NXPH2: variants seen among roughly 807,000 people sequenced by gnomAD.
NXPH2 encodes the protein neurexophilin-2.
Under a neutral mutation model 19.8 loss-of-function variants are expected in NXPH2, and 5 were observed. The ratio of observed to expected loss-of-function variants is 0.25; its 90% CI spans 0.13 to 0.53. The LOEUF (loss-of-function observed/expected upper bound fraction) is 0.53. Among genes scored for constraint, NXPH2 ranks in the 20% least tolerant of loss-of-function variants. The probability of loss-of-function intolerance (pLI) is 0.96; values close to 1 mark genes in which losing one functional copy is unlikely to be tolerated. For synonymous variants in NXPH2, 154 were observed against 127.4 expected, an observed-to-expected ratio of 1.21 and a Z score of -1.41; for missense variants, 289 against 322.8, an observed-to-expected ratio of 0.90 and a Z score of 0.80.
chr2:138,713,973 C>CAAAAAAAAAAAA (rs202017615), intron 1 of NXPH2, among the ~76,000 whole-genome samples: 1 of 142,474 alleles, frequency 7.0e-6, no homozygotes. Flanking sequence ...AACAAAAAAG[C>CAAAAAAAAAAAA]AAAAAAAAAA....
At chr2:138,739,886 G>A (rs150177768) in intron 1 of NXPH2, among the ~76,000 whole-genome samples, 50 of 152,298 alleles carry the variant, frequency 3.3e-4, no homozygotes, top group Non-Finnish European at 5.9e-4. Context: ...GAAAAAAATA[G>A]AAGTAGGGAG....
At chr2:138,778,195 A>T (rs1016391104) in intron 1 of NXPH2, among the ~76,000 whole-genome samples, 23 of 152,298 alleles carry the variant, frequency 1.5e-4, no homozygotes, top group African/African-American at 5.1e-4. Context: ...ACAGCCTTTT[A>T]TTGTCCGAAG....
intron 1 of NXPH2, among the ~76,000 whole-genome samples, chr2:138,779,701 G>C (rs1280665556): frequency 6.6e-6 from 1 of 152,122 alleles, no homozygotes; most frequent in African/African-American, 2.4e-5. Flanking sequence ...TCCCAGCAAG[G>C]CGCCACTACC....
Position 138,772,418 on chromosome 2 carries a change from T to A in NXPH2, c.51+7773A>T, listed in dbSNP as rs187486281. Among the ~76,000 whole-genome samples, 475 of 152,314 alleles carry A rather than the reference T, an allele frequency of 3.1e-3. 2 individuals carry two copies. Among genetic ancestry groups the A allele is most frequent in the Non-Finnish European group, 4.9e-3 (331 of 68,026 alleles). On this transcript the variant is annotated intron_variant, in intron 1 of 1. Coordinates refer to ENST00000272641, the MANE Select transcript of NXPH2 (RefSeq NM_007226.3). ...TTCAAGCAATTCTCCTGCCTCAGCC[T>A]CCCAGGTAGCTGGGATTACAGGCAT...
At chr2:138,695,556 A>T (rs1282107871) in intron 1 of NXPH2, among the ~76,000 whole-genome samples, 1 of 152,094 alleles carries the variant, frequency 6.6e-6, no homozygotes, top group South Asian at 2.1e-4. Flanking sequence ...AACTCCACAA[A>T]TTTTTTTGAG....
At chr2:138,709,671 T>C (rs977159936) in intron 1 of NXPH2, among the ~76,000 whole-genome samples, 1 of 152,204 alleles carries the variant, frequency 6.6e-6, no homozygotes, top group African/African-American at 2.4e-5. Flanking sequence ...CTCTGTGCTT[T>C]GCCTATTCAT....
chr2:138,723,155 A>T (rs1431048729), intron 1 of NXPH2, among the ~76,000 whole-genome samples: 1 of 145,814 alleles, frequency 6.9e-6, no homozygotes, highest in Non-Finnish European at 1.5e-5. Flanking sequence ...AAGCAACACA[A>T]ACAGACAAGC....
At chr2:138,762,042 T>G (rs1478853662) in intron 1 of NXPH2, among the ~76,000 whole-genome samples, 2 of 152,160 alleles carry the variant, frequency 1.3e-5, no homozygotes, top group East Asian at 1.9e-4. Context: ...GAATTTCTGT[T>G]GGAAAATATA....
At position 138,745,500 on chromosome 2, in the gene NXPH2, G is replaced by T. The variant is rs866457842; in HGVS notation, c.51+34691C>A. Among the ~76,000 whole-genome samples, 87 of 148,468 alleles carry T rather than the reference G, an allele frequency of 5.9e-4. 1 individual carries two copies. The East Asian group carries it at 0.014, about 24-fold the overall frequency. ...CTTTTCTTCTTTTTTTGGCGGGGGG[G>T]GGGGGGTGTTGTTTGCATGTTTTTC... On this transcript the variant is annotated intron_variant, in intron 1 of 1. Coordinates refer to ENST00000272641, the MANE Select transcript of NXPH2 (RefSeq NM_007226.3).
Position 138,669,654 on chromosome 2 carries a change from C to T in NXPH2, c.*1268G>A, listed in dbSNP as rs892146029. ...GTAAAAGGAGTGACCATTCCATGAGCGTCCTGAGTTCTAGAAGCCTTTTTC... is the reference window on the plus strand; with the variant it reads ...GTAAAAGGAGTGACCATTCCATGAGTGTCCTGAGTTCTAGAAGCCTTTTTC... On this transcript the variant is annotated 3_prime_UTR_variant, in exon 2 of 2. Transcript: ENST00000272641. 6.6e-6 allele frequency among the ~76,000 whole-genome samples: 1 copy of T among 152,114 alleles called. No individual in the cohort carries two copies. Among genetic ancestry groups the T allele is most frequent in the Admixed American group, 6.5e-5 (1 of 15,270 alleles).
At chr2:138,730,388 C>T (rs537006779) in intron 1 of NXPH2, among the ~76,000 whole-genome samples, 3 of 151,930 alleles carry the variant, frequency 2.0e-5, no homozygotes, top group African/African-American at 7.3e-5. Context: ...GGCTCTATCT[C>T]CAAATATAGT....
chr2:138,764,422 G>A (rs1019243988), intron 1 of NXPH2, among the ~76,000 whole-genome samples: 1 of 152,110 alleles, frequency 6.6e-6, no homozygotes, highest in Admixed American at 6.6e-5. Context: ...ATTGTAGCTG[G>A]CCCATGGACC....
At chr2:138,706,099 A>G (rs1681005427) in intron 1 of NXPH2, among the ~76,000 whole-genome samples, 1 of 152,232 alleles carries the variant, frequency 6.6e-6, no homozygotes, top group Admixed American at 6.5e-5. Flanking sequence ...TTAAGGGAAA[A>G]CAATCTATGC....
At chr2:138,729,822 A>T (rs774574997) in intron 1 of NXPH2, among the ~76,000 whole-genome samples, 1 of 152,070 alleles carries the variant, frequency 6.6e-6, no homozygotes, top group Non-Finnish European at 1.5e-5. Context: ...AGGGCTTATG[A>T]CTCCCGTTTC....
At chr2:138,712,941 CA>C (rs1016422079) in intron 1 of NXPH2, among the ~76,000 whole-genome samples, 1 of 152,196 alleles carries the variant, frequency 6.6e-6, no homozygotes, top group African/African-American at 2.4e-5. Context: ...AAATTCCTTC[CA>C]ATTCTTTCTT....
intron 1 of NXPH2, among the ~76,000 whole-genome samples, chr2:138,694,581 G>A (rs1439532203): frequency 1.3e-5 from 2 of 152,126 alleles, no homozygotes; most frequent in Admixed American, 6.5e-5. Context: ...CTTCAGAGAC[G>A]TCATGGCCCT....
At chr2:138,752,865 T>C (rs1681847528) in intron 1 of NXPH2, among the ~76,000 whole-genome samples, 2 of 152,176 alleles carry the variant, frequency 1.3e-5, no homozygotes, top group African/African-American at 4.8e-5. Context: ...ATAATCAGAC[T>C]GGGATTACAT....
At chr2:138,721,452 T>G (rs914456907) in intron 1 of NXPH2, among the ~76,000 whole-genome samples, 2 of 152,084 alleles carry the variant, frequency 1.3e-5, no homozygotes, top group African/African-American at 4.8e-5. Context: ...ATCATGATTT[T>G]ATATTATAGA....
At position 138,670,087 on chromosome 2, in the gene NXPH2, G is replaced by C. The variant is rs1053487972; in HGVS notation, c.*835C>G. Among the ~76,000 whole-genome samples the C allele has an allele frequency of 6.6e-6, 1 of 152,128 alleles. No individual in the cohort carries two copies. The highest frequency in any genetic ancestry group is 2.4e-5 in the African/African-American group (1 of 41,422). ...CACATGTGTAAAGAATCACACTATC[G>C]AATGAATTGAATAAAGCTCTAAGCT... is the stretch of plus-strand genomic sequence containing the variant. On this transcript the variant is annotated 3_prime_UTR_variant, in exon 2 of 2. Coordinates refer to ENST00000272641, the MANE Select transcript of NXPH2 (RefSeq NM_007226.3).
Sources: allele counts gnomAD v4.1 joint callset (sites outside exome capture counted in the v4.1 genomes callset), GRCh38; gene constraint gnomAD v4.1.1; transcripts MANE v1.5; gene names NCBI Gene and HGNC (gene_info 2026-07-23, HGNC 2026-07-21).